The following DKK4 variants were observed in gnomAD, a reference collection of about 807,000 sequenced individuals.
The protein encoded by DKK4 is dickkopf Wnt signaling pathway inhibitor 4, also known as dickkopf-related protein 4.
DKK4 carries 15 observed loss-of-function variants against 14.5 expected under a neutral mutation model. That is an observed-to-expected ratio of 1.03 (90% CI 0.69 to 1.59). The LOEUF (loss-of-function observed/expected upper bound fraction) is 1.59, where lower values mean the gene tolerates loss of function less well. Ranked by LOEUF, DKK4 falls within the 40% of genes most tolerant of loss-of-function variation. The pLI is 0.00. For synonymous variants in DKK4, 89 were observed against 105.2 expected (o/e 0.85, Z 0.94); for missense variants, 272 against 280.3 (o/e 0.97, Z 0.21).
upstream of DKK4, among the ~76,000 whole-genome samples, chr8:42,379,370 TATATATATAGAGAGAGAGAGAGAG>T (rs1485253794): frequency 6.1e-4 from 31 of 50,938 alleles, 2 homozygotes; most frequent in African/African-American, 1.8e-3. Context: ...TATATATATA[TATATATATAGAGAGAGAGAGAGAG>T]AGAGAGAGAG....
Position 42,376,980 on chromosome 8 carries a change from G to A in DKK4, c.66C>T (p.Asp22=), listed in dbSNP as rs1329875124. The change falls in exon 1 of 4, where the codon GAC becomes GAT. Residue 22 remains aspartate (D), a synonymous_variant. Coordinates refer to ENST00000220812, the MANE Select transcript of DKK4 (RefSeq NM_014420.3). ...CAGCAGAGCTCCTGATGTTGTTGAA[G>A]TCCAGGACCAGAGCTCCCAGGGGAG... is the stretch of plus-strand genomic sequence containing the variant. ...LCSPLGALVL[D]FNNIRSSADL... 6.2e-7 allele frequency: 1 copy of A among 1,613,670 alleles called. No individual in the cohort carries two copies. Among genetic ancestry groups the A allele is most frequent in the Non-Finnish European group, 8.5e-7 (1 of 1,180,016 alleles).
chr8:42,377,340 T>C, upstream of DKK4: 1 of 332,730 alleles, frequency 3.0e-6, no homozygotes, highest in Non-Finnish European at 5.5e-6. Context: ...ATCTGTTTGA[T>C]CAATAGTTCA....
At chr8:42,390,203 A>G in the DKK4 span, among the ~76,000 whole-genome samples, 15 of 151,608 alleles carry the variant, frequency 9.9e-5, no homozygotes, top group Middle Eastern at 3.5e-3. Flanking sequence ...GCCCCCTCAG[A>G]AAATTTTACA....
the DKK4 span, among the ~76,000 whole-genome samples, chr8:42,384,523 T>C: frequency 2.6e-5 from 4 of 152,130 alleles, no homozygotes; most frequent in African/African-American, 9.7e-5. Flanking sequence ...TTGAGGTGTA[T>C]CTGGCTCAGC....
chr8:42,382,560 C>A, the DKK4 span, among the ~76,000 whole-genome samples: 3 of 152,262 alleles, frequency 2.0e-5, no homozygotes, highest in Non-Finnish European at 4.4e-5. Context: ...CTCCACAAGG[C>A]CTCCTGAGCG....
rs751909266 is a variant in DKK4, at chr8:42,375,875, C to T, written c.112-45G>A. On this transcript the variant is annotated intron_variant, in intron 1 of 3. Transcript: ENST00000220812. ...TCACAAGGCTAGGAAACCCCCAACA[C>T]GATGGAAGATGACTTATTATTGAAG... 6.2e-6 allele frequency: 10 copies of T among 1,602,724 alleles called. No individual in the cohort carries two copies. In the East Asian group the frequency reaches 1.6e-4, roughly 25 times the overall value.
chr8:42,380,746 A>AAGAG (rs149482173), upstream of DKK4, among the ~76,000 whole-genome samples: 1 of 143,180 alleles, frequency 7.0e-6, no homozygotes, highest in Admixed American at 6.9e-5. Context: ...AGAGAGTGGA[A>AAGAG]AGAGAGAGAG....
At chr8:42,385,152 G>A in the DKK4 span, among the ~76,000 whole-genome samples, 1 of 152,172 alleles carries the variant, frequency 6.6e-6, no homozygotes, top group African/African-American at 2.4e-5. Context: ...AGCACTTTGG[G>A]AGGACAAGGC....
chr8:42,374,647 T>C (rs1824522138), intron 3 of DKK4, 114 bp downstream of exon 3: 15 of 1,438,992 alleles, frequency 1.0e-5, no homozygotes, highest in Admixed American at 7.6e-5. Flanking sequence ...CAGCACATGC[T>C]TCCTAAGTGT....
chr8:42,374,508 C>G (rs143079002), intron 3 of DKK4, 149 bp from the exon 4 acceptor site: 7 of 1,174,874 alleles, frequency 6.0e-6, no homozygotes, highest in Middle Eastern at 2.7e-4. Context: ...CTAGGTGTTA[C>G]GCTAAAAGCA....
the DKK4 span, among the ~76,000 whole-genome samples, chr8:42,387,827 T>C: frequency 1.3e-5 from 2 of 152,202 alleles, no homozygotes; most frequent in Admixed American, 1.3e-4. Flanking sequence ...TACCTGGGAC[T>C]GGTGTTGTCA....
At chr8:42,386,101 C>T in the DKK4 span, among the ~76,000 whole-genome samples, 259 of 152,296 alleles carry the variant, frequency 1.7e-3, no homozygotes, top group African/African-American at 6.0e-3. Flanking sequence ...TTTTCAGAGA[C>T]GAAGTCTCAC....
At chr8:42,385,518 G>A in the DKK4 span, among the ~76,000 whole-genome samples, 28 of 152,258 alleles carry the variant, frequency 1.8e-4, no homozygotes, top group African/African-American at 6.7e-4. Context: ...TCTTGGGTGA[G>A]GCTCTGGGGA....
At chr8:42,382,672 G>T in the DKK4 span, among the ~76,000 whole-genome samples, 1 of 152,238 alleles carries the variant, frequency 6.6e-6, no homozygotes, top group Non-Finnish European at 1.5e-5. Context: ...CCAAGGTGCT[G>T]CCATACTGAT....
At chr8:42,380,804 A>G (rs1488260216), upstream of DKK4, among the ~76,000 whole-genome samples, 1 of 138,128 alleles carries the variant, frequency 7.2e-6, no homozygotes, top group East Asian at 2.1e-4. Flanking sequence ...AAGAAAAAGA[A>G]AAGGAAGGAA....
In DKK4 at chr8:42,374,197, C is replaced by A. The variant is rs762181873; in HGVS notation, c.578G>T (p.Arg193Leu). 1 of 1,613,170 alleles carries A rather than the reference C, an allele frequency of 6.2e-7. No individual in the cohort carries two copies. Among genetic ancestry groups the A allele is most frequent in the Non-Finnish European group, 8.5e-7 (1 of 1,179,892 alleles). ...DTAQAPEIFQ[R>L]CDCGPGLLCR... ...CAGTAGTCCAGGGCCACAGTCGCAA[C>A]GCTGGAAGATTTCTGGAGCTTGAGC... The change falls in exon 4 of 4, where the codon CGT becomes CTT. Residue 193 changes from arginine to leucine, a missense_variant. Physicochemically the swap from Arg to Leu is moderately radical, Grantham distance 102. Coordinates refer to ENST00000220812, the MANE Select transcript of DKK4 (RefSeq NM_014420.3).
rs866399390 is a variant in DKK4, at chr8:42,376,948, T to A, written c.98A>T (p.His33Leu). Reference protein sequence around the residue: ...FNNIRSSADLHGARKGSQCLS... With the variant: ...FNNIRSSADLLGARKGSQCLS... ...TAGCAGCCTTACCTTCCGGGCCCCA[T>A]GCAGGTCAGCAGAGCTCCTGATGTT... Residue 33 changes from histidine to leucine, a missense_variant, in exon 1 of 4, where the codon CAT (histidine) becomes CTT (leucine). His to Leu is a moderately conservative substitution (Grantham distance 99). Coordinates refer to ENST00000220812, the MANE Select transcript of DKK4 (RefSeq NM_014420.3). 6.2e-7 allele frequency: 1 copy of A among 1,613,722 alleles called. No homozygotes were observed.
upstream of DKK4, among the ~76,000 whole-genome samples, chr8:42,379,422 GA>G (rs1563415793): frequency 1.2e-4 from 14 of 119,056 alleles, no homozygotes; most frequent in African/African-American, 4.2e-4. Context: ...GAGAGAGAGA[GA>G]GAGAAAGATT....
At chr8:42,377,739 C>CA (rs1373137325), upstream of DKK4, among the ~76,000 whole-genome samples, 3 of 152,182 alleles carry the variant, frequency 2.0e-5, no homozygotes, top group Non-Finnish European at 4.4e-5. Flanking sequence ...ATCCAGATGT[C>CA]AAAATCCCAA....
Sources: gnomAD v4.1 joint callset for allele counts (sites outside exome capture counted in the v4.1 genomes callset) on GRCh38, gnomAD v4.1.1 for gene constraint, MANE v1.5 for transcripts, NCBI Gene and HGNC (gene_info 2026-07-23, HGNC 2026-07-21) for gene names.